The following DENND5B variants were observed in gnomAD, a reference collection of about 807,000 sequenced individuals.
DENND5B encodes DENN domain containing 5B.
A neutral mutation model predicts 140.6 loss-of-function variants in DENND5B; 34 were observed. The observed-to-expected ratio is 0.24, with a 90% confidence interval of 0.18 to 0.32. The LOEUF (loss-of-function observed/expected upper bound fraction) is 0.32. DENND5B is among the 10% of genes least tolerant of loss of function. The probability of loss-of-function intolerance (pLI) is 1.00; values close to 1 mark genes in which losing one functional copy is unlikely to be tolerated. For synonymous variants in DENND5B, 551 were observed against 562.1 expected (o/e 0.98, Z 0.28); for missense variants, 1,142 against 1,560.2 (o/e 0.73, Z 4.52).
chr12:31,551,870 G>C (rs1210309990), intron 1 of DENND5B, among the ~76,000 whole-genome samples: 6 of 152,226 alleles, frequency 3.9e-5, no homozygotes, highest in Non-Finnish European at 8.8e-5. Context: ...CTGTTTGTCT[G>C]TTATTGGTGT....
chr12:31,483,503 C>T (rs55798343), intron 2 of DENND5B, among the ~76,000 whole-genome samples: 13,822 of 151,612 alleles, frequency 0.091, 855 homozygotes, highest in East Asian at 0.25. Context: ...TGCAGTGGCG[C>T]GATCTCGGCT....
chr12:31,451,427 G>A (rs1304925319), intron 5 of DENND5B, among the ~76,000 whole-genome samples: 2 of 152,032 alleles, frequency 1.3e-5, no homozygotes, highest in Non-Finnish European at 2.9e-5. Flanking sequence ...GGGTTCAAGC[G>A]ATTCTCCTGC....
chr12:31,443,249 A>AT (rs1944125390), intron 6 of DENND5B, among the ~76,000 whole-genome samples: 1 of 152,188 alleles, frequency 6.6e-6, no homozygotes, highest in African/African-American at 2.4e-5. Flanking sequence ...CTAGTTTTGT[A>AT]TTTTTAGTAG....
At chr12:31,503,248 G>A (rs1370013949) in intron 1 of DENND5B, among the ~76,000 whole-genome samples, 1 of 152,158 alleles carries the variant, frequency 6.6e-6, no homozygotes, top group African/African-American at 2.4e-5. Flanking sequence ...GTTAGGAAAA[G>A]CAAGCATGAG....
chr12:31,589,049 C>G (rs1011542317), intron 1 of DENND5B, among the ~76,000 whole-genome samples: 2 of 152,114 alleles, frequency 1.3e-5, no homozygotes, highest in Non-Finnish European at 2.9e-5. Flanking sequence ...CTAAAGAGTC[C>G]TAGGTCACAC....
chr12:31,503,298 G>A (rs1947080677), intron 1 of DENND5B, among the ~76,000 whole-genome samples: 1 of 152,230 alleles, frequency 6.6e-6, no homozygotes, highest in Non-Finnish European at 1.5e-5. Context: ...AGTGGCTCAT[G>A]CCTGTAATCC....
intron 1 of DENND5B, among the ~76,000 whole-genome samples, chr12:31,564,574 T>C (rs2139351468): frequency 7.2e-6 from 1 of 139,136 alleles, no homozygotes; most frequent in South Asian, 2.2e-4. Context: ...TTATTATTAT[T>C]ATTATTATTA....
intron 3 of DENND5B, among the ~76,000 whole-genome samples, chr12:31,473,477 AATGGGAATGAATTAGATTGCCTG>A (rs1945650428): frequency 6.6e-6 from 1 of 152,198 alleles, no homozygotes; most frequent in Admixed American, 6.5e-5. Context: ...GGACATGCTA[AATGGGAATGAATTAGATTGCCTG>A]AGCTCACGCA....
chr12:31,480,217 C>A lies in DENND5B; in HGVS notation c.276G>T (p.Thr92=). 1 of 1,595,178 alleles carries A rather than the reference C, an allele frequency of 6.3e-7. No homozygotes were observed. Among genetic ancestry groups the A allele is most frequent in the South Asian group, 1.1e-5 (1 of 88,036 alleles). Residue 92 remains threonine, a synonymous_variant, in exon 3 of 21, where the codon ACG becomes ACT. Transcript: ENST00000389082. ...MPKGLSFRTQ[T]DNKDPQFHSF... The stretch of plus-strand genomic sequence containing the variant: ...AGTGAAACTGGGGGTCTTTATTGTC[C>A]GTTTGTGTCCTGAAAGATAGCCCTT...
At position 31,398,330 on chromosome 12, in the gene DENND5B, A is replaced by G; in HGVS notation, c.3101T>C (p.Ile1034Thr). The change falls in exon 17 of 21, where the codon ATT becomes ACT. Residue 1034 changes from isoleucine to threonine, a missense_variant. By Grantham distance (89) the Ile-to-Thr change is moderately conservative. Transcript: ENST00000389082. The part of the protein sequence containing the change: ...FPCGRWLGKG[I>T]DDGSLERILI... ...AATTCTCTCCAGGCTCCCATCATCA[A>G]TGCCTTTCCCCAGCCACCGCCCACA... 1 of 1,551,654 alleles carries G rather than the reference A, an allele frequency of 6.4e-7. No homozygotes were observed. The highest frequency in any genetic ancestry group is 8.7e-7 in the Non-Finnish European group (1 of 1,147,332).
intron 3 of DENND5B, among the ~76,000 whole-genome samples, chr12:31,463,288 A>G (rs1945106023): frequency 9.8e-6 from 1 of 102,242 alleles, no homozygotes; most frequent in Admixed American, 1.3e-4. Context: ...CAAACAAAAA[A>G]CCCAACAACA....
At chr12:31,570,269 TTC>T (rs757188842) in intron 1 of DENND5B, among the ~76,000 whole-genome samples, 53 of 151,000 alleles carry the variant, frequency 3.5e-4, no homozygotes, top group Middle Eastern at 3.4e-3. Context: ...CTAATCAAAA[TTC>T]TCTCTCTTTT....
chr12:31,484,963 C>T (rs1035654591), intron 2 of DENND5B, among the ~76,000 whole-genome samples: 2 of 152,008 alleles, frequency 1.3e-5, no homozygotes, highest in Admixed American at 1.3e-4. Context: ...AGCTTAGTGG[C>T]TGAACCAAGA....
intron 1 of DENND5B, among the ~76,000 whole-genome samples, chr12:31,552,544 C>T (rs1461806143): frequency 3.3e-5 from 5 of 152,032 alleles, no homozygotes; most frequent in Non-Finnish European, 7.4e-5. Flanking sequence ...TGTGTCTCTG[C>T]CAGGCTTTGG....
At chr12:31,444,924 A>C (rs1944211326) in intron 6 of DENND5B, among the ~76,000 whole-genome samples, 1 of 152,222 alleles carries the variant, frequency 6.6e-6, no homozygotes, top group Non-Finnish European at 1.5e-5. Context: ...GGTTACATAA[A>C]AGACATCATT....
intron 1 of DENND5B, among the ~76,000 whole-genome samples, chr12:31,497,329 A>G (rs930187541): frequency 6.6e-6 from 1 of 152,194 alleles, no homozygotes; most frequent in Non-Finnish European, 1.5e-5. Context: ...ATTTAGGCAA[A>G]CATTTCATCT....
At chr12:31,438,709 T>C (rs1943892371) in intron 7 of DENND5B, among the ~76,000 whole-genome samples, 1 of 152,140 alleles carries the variant, frequency 6.6e-6, no homozygotes, top group Non-Finnish European at 1.5e-5. Context: ...TGGGTGTAGA[T>C]CTTTGATATG....
At chr12:31,413,332 G>T (rs1565554971) in intron 13 of DENND5B, 104 bp downstream of exon 13, 1 of 1,387,192 alleles carries the variant, frequency 7.2e-7, no homozygotes, top group Non-Finnish European at 9.9e-7. Flanking sequence ...ATGTGCACAG[G>T]ATACAGCACT....
intron 16 of DENND5B, among the ~76,000 whole-genome samples, chr12:31,399,113 ACT>A (rs1443988346): frequency 2.2e-5 from 3 of 133,622 alleles, no homozygotes; most frequent in Non-Finnish European, 4.8e-5. Context: ...CAAGAGTGAA[ACT>A]CTGTCTCAGC....
Sources: gnomAD v4.1 joint callset for allele counts (sites outside exome capture counted in the v4.1 genomes callset) on GRCh38, gnomAD v4.1.1 for gene constraint, MANE v1.5 for transcripts, NCBI Gene and HGNC (gene_info 2026-07-23, HGNC 2026-07-21) for gene names.